MTHFD1L: variants seen among roughly 807,000 people sequenced by gnomAD.
The protein encoded by MTHFD1L is monofunctional C1-tetrahydrofolate synthase, mitochondrial.
A neutral mutation model predicts 119.5 loss-of-function variants in MTHFD1L; 81 were observed. The observed-to-expected ratio is 0.68, with a 90% CI of 0.57 to 0.82. MTHFD1L has a LOEUF of 0.82. MTHFD1L is among the 40% of genes least tolerant of loss of function. MTHFD1L has a pLI of 0.00. For synonymous variants in MTHFD1L, 430 were observed against 475.2 expected, an observed-to-expected ratio of 0.90 and a Z score of 1.24; for missense variants, 1,125 against 1,253.4, an observed-to-expected ratio of 0.90 and a Z score of 1.55.
Position 151,022,071 on chromosome 6 carries a change from A to G in MTHFD1L, c.2586+6378A>G, listed in dbSNP as rs1041402698. The stretch of plus-strand genomic sequence containing the variant: ...GTGGGGGCTGGATGAAGGAAGAGCA[A>G]AACAAACCACGAAGACAGCCTGGAG... On this transcript the variant is annotated intron_variant, in intron 24 of 27. Coordinates refer to ENST00000367321, the MANE Select transcript of MTHFD1L (RefSeq NM_015440.5). The G allele has an allele frequency of 1.3e-5, 6 of 471,120 alleles. No homozygotes were observed. The Admixed American group carries it at 1.4e-4, about 11-fold the overall frequency. 29.2% of individuals were successfully genotyped at this position (471,120 alleles called of 1,614,324 possible). A position where few individuals can be genotyped will look rare whatever the true frequency, so the allele number is the denominator to read the frequency against.
chr6:151,050,754 A>G (rs73622428), intron 26 of MTHFD1L, among the ~76,000 whole-genome samples: 3,396 of 152,234 alleles, frequency 0.022, 127 homozygotes, highest in African/African-American at 0.077. Context: ...ATTTGGTCAC[A>G]GAAGTCTTCT....
At chr6:151,024,758 A>G (rs1281957316) in intron 24 of MTHFD1L, among the ~76,000 whole-genome samples, 1 of 152,100 alleles carries the variant, frequency 6.6e-6, no homozygotes, top group South Asian at 2.1e-4. Context: ...GAACCTGGGA[A>G]GTGGAGGTTG....
At position 150,865,719 on chromosome 6, in the gene MTHFD1L, T is replaced by C; in HGVS notation, c.-104T>C. The C allele has an allele frequency of 2.4e-6, 2 of 821,640 alleles. No homozygotes were observed. The highest frequency in any genetic ancestry group is 3.1e-6 in the Non-Finnish European group (2 of 654,478). The allele number at this position is 821,640 out of a possible 1,614,324, so 50.9% of individuals were successfully genotyped here. A position where few individuals can be genotyped will look rare whatever the true frequency, so the allele number is the denominator to read the frequency against. On this transcript the variant is annotated 5_prime_UTR_variant, in exon 1 of 28. Transcript: ENST00000367321. The stretch of plus-strand genomic sequence containing the variant: ...GGGACGAGGAGGAAGCGCCAGGTCC[T>C]TCCCGCCGCCGCCGCCGCCGCCGCC...
chr6:150,954,184 C>A (rs1173374777), intron 16 of MTHFD1L, among the ~76,000 whole-genome samples: 1 of 152,170 alleles, frequency 6.6e-6, no homozygotes, highest in Non-Finnish European at 1.5e-5. Context: ...GTACCAAATA[C>A]GTAATTTCCA....
chr6:150,920,058 C>T (rs1281629884), intron 9 of MTHFD1L, among the ~76,000 whole-genome samples: 2 of 152,174 alleles, frequency 1.3e-5, no homozygotes, highest in Admixed American at 6.5e-5. Context: ...ATGTCCACCT[C>T]TCTGTAGGGC....
At chr6:150,971,019 C>G (rs1455896104) in intron 19 of MTHFD1L, among the ~76,000 whole-genome samples, 1 of 152,084 alleles carries the variant, frequency 6.6e-6, no homozygotes, top group African/African-American at 2.4e-5. Flanking sequence ...TCTGTGATTT[C>G]TAGCTAAAGC....
At chr6:150,991,561 GT>G (rs1349174197) in intron 20 of MTHFD1L, among the ~76,000 whole-genome samples, 1 of 151,868 alleles carries the variant, frequency 6.6e-6, no homozygotes, top group Admixed American at 6.6e-5. Context: ...TTTTGTAGTA[GT>G]TTTTTTTATA....
chr6:151,080,184 GA>G (rs1412428904), intron 26 of MTHFD1L, among the ~76,000 whole-genome samples: 1 of 151,910 alleles, frequency 6.6e-6, no homozygotes, highest in African/African-American at 2.4e-5. Context: ...GCCCAAAAAA[GA>G]AAAAAATAAT....
intron 26 of MTHFD1L, among the ~76,000 whole-genome samples, chr6:151,066,548 G>A (rs1175372681): frequency 2.0e-5 from 3 of 150,876 alleles, no homozygotes; most frequent in Non-Finnish European, 2.9e-5. Context: ...GGTGGATCAC[G>A]AGGTCAGGAG....
Position 150,965,043 on chromosome 6 carries a change from TG to T in MTHFD1L, c.2013+8del. On this transcript the variant is annotated splice_region_variant and intron_variant, in intron 19 of 27. Transcript: ENST00000367321. The stretch of plus-strand genomic sequence containing the variant: ...ACCTGATGCAGACCCTGGAAGTAAG[TG>T]GTTTTCTTCTTATAGTAATTGTTTG... 2 of 1,613,148 alleles carry T rather than the reference TG, an allele frequency of 1.2e-6. No individual in the cohort carries two copies. The highest frequency in any genetic ancestry group is 2.2e-5 in the South Asian group (2 of 91,048).
rs376127391 is a variant in MTHFD1L, at chr6:150,871,237, T to TG, written c.228-4853_228-4852insG. Among the ~76,000 whole-genome samples the TG allele has an allele frequency of 1.8e-3, 268 of 148,470 alleles. 1 individual carries two copies. Among genetic ancestry groups the TG allele is most frequent in the African/African-American group, 6.3e-3 (257 of 40,672 alleles). ...AAATGCCAGTGATCTGGTGGAGGAT[T>TG]TGCCTAGATGTTGATGGTTATTGAC... On this transcript the variant is annotated intron_variant, in intron 1 of 27. Transcript: ENST00000367321.
At chr6:151,004,191 A>G (rs944818015) in intron 20 of MTHFD1L, among the ~76,000 whole-genome samples, 1 of 151,786 alleles carries the variant, frequency 6.6e-6, no homozygotes, top group Non-Finnish European at 1.5e-5. Context: ...AAATACAAAA[A>G]TCACGCTCCT....
At position 150,911,918 on chromosome 6, in the gene MTHFD1L, T is replaced by C. The variant is rs143264804; in HGVS notation, c.892+6157T>C. Among the ~76,000 whole-genome samples the C allele has an allele frequency of 6.5e-4, 99 of 152,050 alleles. 1 individual carries two copies. The highest frequency in any genetic ancestry group is 2.1e-3 in the African/African-American group (87 of 41,478). The stretch of plus-strand genomic sequence containing the variant: ...AAAACCACCCCCATGATTCAAATTA[T>C]CTCCCACTGGGTCCCTCCTACAACA... On this transcript the variant is annotated intron_variant, in intron 8 of 27. Coordinates refer to ENST00000367321, the MANE Select transcript of MTHFD1L (RefSeq NM_015440.5).
intron 8 of MTHFD1L, among the ~76,000 whole-genome samples, chr6:150,907,114 G>T (rs1444638174): frequency 6.7e-6 from 1 of 150,056 alleles, no homozygotes; most frequent in Non-Finnish European, 1.5e-5. Flanking sequence ...TTTGTTTCTT[G>T]TAAATGAATG....
intron 11 of MTHFD1L, among the ~76,000 whole-genome samples, chr6:150,934,238 A>G: frequency 6.6e-6 from 1 of 152,204 alleles, no homozygotes. Context: ...AATTAACCCC[A>G]TAAATATGAA....
At chr6:150,933,149 A>T (rs1035181677) in intron 11 of MTHFD1L, among the ~76,000 whole-genome samples, 1 of 152,134 alleles carries the variant, frequency 6.6e-6, no homozygotes, top group Non-Finnish European at 1.5e-5. Flanking sequence ...TGTGTTTCTA[A>T]TTAAGAATTG....
chr6:150,954,433 A>G (rs1383380398), intron 16 of MTHFD1L, among the ~76,000 whole-genome samples: 1 of 152,188 alleles, frequency 6.6e-6, no homozygotes. Flanking sequence ...CACGCCAGTT[A>G]TCCCAGCACT....
chr6:150,913,230 G>A (rs531099920), intron 8 of MTHFD1L, among the ~76,000 whole-genome samples: 23 of 151,960 alleles, frequency 1.5e-4, no homozygotes, highest in African/African-American at 4.3e-4. Flanking sequence ...GCATGAGCTC[G>A]GCTCACTGCA....
intron 21 of MTHFD1L, among the ~76,000 whole-genome samples, chr6:151,012,118 C>T (rs1782367156): frequency 6.6e-6 from 1 of 150,632 alleles, no homozygotes; most frequent in Non-Finnish European, 1.5e-5. Flanking sequence ...GTACCTTCTG[C>T]CTCACATTGT....
Sources: allele counts gnomAD v4.1 joint callset (sites outside exome capture counted in the v4.1 genomes callset), GRCh38; gene constraint gnomAD v4.1.1; transcripts MANE v1.5; gene names NCBI Gene and HGNC (gene_info 2026-07-23, HGNC 2026-07-21).